Variants in ATXN10 observed in about 807,000 individuals in gnomAD.
ATXN10 encodes the protein ataxin-10.
ATXN10 carries 28 observed loss-of-function variants against 52.9 expected under a neutral mutation model. The ratio of observed to expected loss-of-function variants is 0.53; its 90% CI spans 0.39 to 0.73. The LOEUF (loss-of-function observed/expected upper bound fraction) is 0.73, where lower values mean the gene tolerates loss of function less well. Ranked by LOEUF, ATXN10 falls within the 30% of genes least tolerant of loss-of-function variation. The pLI, the probability that ATXN10 is intolerant of heterozygous loss-of-function variation, is 0.00. For synonymous variants in ATXN10, 226 were observed against 221.5 expected, an observed-to-expected ratio of 1.02 and a Z score of -0.18; for missense variants, 565 against 577.0, an observed-to-expected ratio of 0.98 and a Z score of 0.21.
chr22:45,821,349 A>C (rs1471648382), intron 10 of ATXN10, among the ~76,000 whole-genome samples: 1 of 144,524 alleles, frequency 6.9e-6, no homozygotes, highest in African/African-American at 2.5e-5. Flanking sequence ...CGTCTCTTTA[A>C]AAAAAAAAAA....
chr22:45,745,329 G>T (rs1925686977), intron 9 of ATXN10, among the ~76,000 whole-genome samples: 1 of 152,144 alleles, frequency 6.6e-6, no homozygotes, highest in Admixed American at 6.5e-5. Flanking sequence ...ACAGACAGAT[G>T]ATCTAGTTTA....
chr22:45,689,575 T>G, intron 1 of ATXN10, 137 bp from the exon 2 acceptor site: 1 of 600,438 alleles, frequency 1.7e-6, no homozygotes, highest in Non-Finnish European at 2.9e-6. Context: ...TTTTATTTGG[T>G]GTTGTAAATT....
At chr22:45,737,353 A>G (rs1445797266) in intron 7 of ATXN10, among the ~76,000 whole-genome samples, 1 of 152,200 alleles carries the variant, frequency 6.6e-6, no homozygotes, top group East Asian at 1.9e-4. Context: ...GAGCAGTGGT[A>G]TCTCACGATA....
At chr22:45,803,752 A>G (rs1490207243) in intron 9 of ATXN10, among the ~76,000 whole-genome samples, 2 of 151,930 alleles carry the variant, frequency 1.3e-5, no homozygotes, top group African/African-American at 4.8e-5. Context: ...ATGCGTACGT[A>G]CCCCATCCTG....
rs536613782 is a variant in ATXN10, at chr22:45,732,138, A to G, written c.894+2548A>G. 2.0e-5 allele frequency among the ~76,000 whole-genome samples: 3 copies of G among 152,258 alleles called. No homozygotes were observed. Among genetic ancestry groups the G allele is most frequent in the Non-Finnish European group, 4.4e-5 (3 of 68,010 alleles). On this transcript the variant is annotated intron_variant, in intron 7 of 11. Transcript: ENST00000252934. The surrounding 1 kb of genome is among the most constrained non-coding windows in gnomAD (Gnocchi z 4.5). ...GACTTTTTTCTCTAAGATGGGAAGT[A>G]TTTTTATATATTAATGGAATGGAAA...
At chr22:45,808,518 G>A (rs911713928) in intron 10 of ATXN10, among the ~76,000 whole-genome samples, 6 of 152,162 alleles carry the variant, frequency 3.9e-5, no homozygotes, top group South Asian at 2.1e-4. Flanking sequence ...ATGGCCATCC[G>A]TTCATTCAGT....
At chr22:45,817,326 T>C (rs2146895928) in intron 10 of ATXN10, among the ~76,000 whole-genome samples, 1 of 149,848 alleles carries the variant, frequency 6.7e-6, no homozygotes, top group East Asian at 1.9e-4. Flanking sequence ...AACTTTTTTT[T>C]TTTTTTTTTT....
At chr22:45,793,631 G>A (rs768153885) in intron 9 of ATXN10, 3 of 1,373,518 alleles carry the variant, frequency 2.2e-6, no homozygotes, top group East Asian at 2.7e-5. Flanking sequence ...GTCACAGTCT[G>A]TTCCACCAGC....
At chr22:45,686,773 C>G (rs188139308) in intron 1 of ATXN10, among the ~76,000 whole-genome samples, 50 of 149,128 alleles carry the variant, frequency 3.4e-4, no homozygotes, top group African/African-American at 1.2e-3. Context: ...GAGCTGAGAT[C>G]ACGCTACTGC....
At chr22:45,761,843 A>T (rs1926402184) in intron 9 of ATXN10, among the ~76,000 whole-genome samples, 1 of 152,220 alleles carries the variant, frequency 6.6e-6, no homozygotes, top group Non-Finnish European at 1.5e-5. Flanking sequence ...ATGTTGGCTA[A>T]AACAGAAAAG....
At chr22:45,776,141 GGTA>G (rs1926947623) in intron 9 of ATXN10, among the ~76,000 whole-genome samples, 1 of 152,314 alleles carries the variant, frequency 6.6e-6, no homozygotes, top group African/African-American at 2.4e-5. Context: ...GTTAACCAGA[GGTA>G]GTAGTTTGCA....
chr22:45,825,502 G>T lies in ATXN10; in HGVS notation c.1238-17489G>T, dbSNP rs8137980. 0.064 allele frequency among the ~76,000 whole-genome samples: 9,730 copies of T among 152,092 alleles called. 351 individuals are homozygous for T. The highest frequency in any genetic ancestry group is 0.088 in the African/African-American group (3,641 of 41,456). On this transcript the variant is annotated intron_variant, in intron 10 of 11. Coordinates refer to ENST00000252934, the MANE Select transcript of ATXN10 (RefSeq NM_013236.4). The surrounding 1 kb of genome is among the most constrained non-coding windows in gnomAD (Gnocchi z 4.5). ...CAGGCTTATCCTTGGCACAGAGACAGCCTGCAACAATCCAGAAATAATAAT... is the reference window on the plus strand; with the variant it reads ...CAGGCTTATCCTTGGCACAGAGACATCCTGCAACAATCCAGAAATAATAAT...
rs147423031 is a variant in ATXN10, at chr22:45,767,556, T to G, written c.1173+27018T>G. On this transcript the variant is annotated intron_variant, in intron 9 of 11. Coordinates refer to ENST00000252934, the MANE Select transcript of ATXN10 (RefSeq NM_013236.4). ...TTTAAGAGGAGAGGCCAGGGTGGAA[T>G]AGACAGGGATAGAAACTAAAATTCT... Among the ~76,000 whole-genome samples the G allele has an allele frequency of 3.8e-3, 575 of 152,184 alleles. 11 individuals are homozygous for G. The highest frequency in any genetic ancestry group is 0.013 in the Admixed American group (202 of 15,276).
At chr22:45,716,876 C>T (rs993156348) in intron 5 of ATXN10, among the ~76,000 whole-genome samples, 15 of 152,212 alleles carry the variant, frequency 9.9e-5, no homozygotes, top group Non-Finnish European at 1.9e-4. Flanking sequence ...ATTACCAACA[C>T]TATGAAAGAA....
rs574886309 is a variant in ATXN10, at chr22:45,734,450, A to T, written c.895-4281A>T. The T allele has an allele frequency of 1.7e-5, 4 of 229,480 alleles. No homozygotes were observed. In the East Asian group the frequency reaches 4.9e-4, roughly 28 times the overall value. The allele number at this position is 229,480 out of a possible 1,614,324, so 14.2% of individuals were successfully genotyped here. A position where few individuals can be genotyped will look rare whatever the true frequency, so the allele number is the denominator to read the frequency against. The stretch of plus-strand genomic sequence containing the variant: ...TAATTTTTGTTTGAATTTATTTCTG[A>T]TGTTCTGTTAGCCTTGTAGTCGTTT... On this transcript the variant is annotated intron_variant, in intron 7 of 11. Transcript: ENST00000252934.
chr22:45,700,256 T>C (rs1332839184), intron 3 of ATXN10, 26 bp from the exon 4 acceptor site: 2 of 1,401,980 alleles, frequency 1.4e-6, no homozygotes, highest in East Asian at 2.5e-5. Context: ...TTTATTTATT[T>C]ATTTATAACT....
intron 9 of ATXN10, among the ~76,000 whole-genome samples, chr22:45,760,074 G>A (rs1183680452): frequency 6.6e-6 from 1 of 152,184 alleles, no homozygotes. Context: ...AGATAGATTT[G>A]TGCTAATTCC....
chr22:45,799,815 T>C (rs1368120445), intron 9 of ATXN10, among the ~76,000 whole-genome samples: 1 of 152,240 alleles, frequency 6.6e-6, no homozygotes, highest in African/African-American at 2.4e-5. Context: ...TTTCATGACT[T>C]ACTATAAAGC....
chr22:45,843,190 C>G lies in ATXN10; in HGVS notation c.1425+12C>G. The G allele has an allele frequency of 6.2e-7, 1 of 1,613,620 alleles. No individual in the cohort carries two copies. Among genetic ancestry groups the G allele is most frequent in the Non-Finnish European group, 8.5e-7 (1 of 1,179,598 alleles). On this transcript the variant is annotated intron_variant, in intron 11 of 11. Transcript: ENST00000252934. This position sits in a 1 kb window ranked among gnomAD's most constrained non-coding sequence, Gnocchi z 4.5. Reference sequence around the variant, plus strand: ...ACACCCCTAAGCCAGTAAGTACCCTCGAGGGAACTGTCCTTCCCTTTGGTT... The same window carrying G: ...ACACCCCTAAGCCAGTAAGTACCCTGGAGGGAACTGTCCTTCCCTTTGGTT...
Sources: gnomAD v4.1 joint callset for allele counts (sites outside exome capture counted in the v4.1 genomes callset) on GRCh38, gnomAD v4.1.1 for gene constraint, Gnocchi (gnomAD v3.1) non-coding constraint, MANE v1.5 for transcripts, NCBI Gene and HGNC (gene_info 2026-07-23, HGNC 2026-07-21) for gene names.